MGAM: variants seen among roughly 807,000 people sequenced by gnomAD.
The protein encoded by MGAM is maltase-glucoamylase, also known as alpha-1,4-glucosidase.
Under a neutral mutation model 358.8 loss-of-function variants are expected in MGAM, and 253 were observed. That is an observed-to-expected ratio of 0.71 (90% CI 0.64 to 0.78). The LOEUF (loss-of-function observed/expected upper bound fraction) is 0.78, where lower values mean the gene tolerates loss of function less well. Among genes scored for constraint, MGAM ranks in the 30% least tolerant of loss-of-function variants. The pLI is 0.00. For missense variants in MGAM, 3,080 were observed against 3,432.6 expected (o/e 0.90, Z 2.57); for synonymous variants, 1,105 against 1,227.1 (o/e 0.90, Z 2.08).
intron 49 of MGAM, among the ~76,000 whole-genome samples, chr7:142,079,881 A>C (rs147931966): frequency 0.023 from 3,353 of 146,522 alleles, 233 homozygotes; most frequent in African/African-American, 0.077. Context: ...TTGTACCCTC[A>C]TCATAGCACT....
intron 21 of MGAM, among the ~76,000 whole-genome samples, 177 bp downstream of exon 21, chr7:142,041,023 G>C (rs1037103287): frequency 6.6e-6 from 1 of 152,066 alleles, no homozygotes; most frequent in Non-Finnish European, 1.5e-5. Context: ...GGGCAAACCA[G>C]GTCAGTTGAT....
intron 34 of MGAM, among the ~76,000 whole-genome samples, chr7:142,060,980 G>A (rs902499887): frequency 2.6e-5 from 4 of 151,936 alleles, no homozygotes; most frequent in African/African-American, 9.7e-5. Context: ...GCTTGTAATG[G>A]ATCCAAGTAG....
chr7:142,052,843 T>C lies in MGAM; in HGVS notation c.3018T>C (p.Ser1006=). 6.2e-7 allele frequency: 1 copy of C among 1,613,916 alleles called. No homozygotes were observed. The highest frequency in any genetic ancestry group is 8.5e-7 in the Non-Finnish European group (1 of 1,179,856). Residue 1006 remains serine (S), a synonymous_variant, in exon 26 of 71, where the codon AGT becomes AGC. Transcript: ENST00000475668. ...CYFVNDLYSV[S]DVQYNSHGAT... is the part of the protein sequence containing the mutation. Reference sequence around the variant, plus strand: ...TTGTCAACGACCTATACTCTGTCAGTGATGTTCAGTATAATTCCCATGGGG... The same window carrying C: ...TTGTCAACGACCTATACTCTGTCAGCGATGTTCAGTATAATTCCCATGGGG...
Position 142,066,836 on chromosome 7 carries a change from G to A in MGAM, c.4919+115G>A, listed in dbSNP as rs1812807310. ...AAGACATGATGGCCTTTTGACATGA[G>A]CTCTTCAGACACAAAGTATACCTGA... On this transcript the variant is annotated intron_variant, in intron 41 of 70. Transcript: ENST00000475668. 4.0e-6 allele frequency: 5 copies of A among 1,244,076 alleles called. 1 individual carries two copies. The highest frequency in any genetic ancestry group is 1.4e-5 in the African/African-American group (1 of 69,474). The allele number at this position is 1,244,076 out of a possible 1,614,324, so 77.1% of individuals were successfully genotyped here. A position where few individuals can be genotyped will look rare whatever the true frequency, so the allele number is the denominator to read the frequency against.
chr7:142,077,385 G>A (rs1813834223), intron 47 of MGAM, among the ~76,000 whole-genome samples: 1 of 145,252 alleles, frequency 6.9e-6, no homozygotes, highest in Admixed American at 7.0e-5. Context: ...AGTACAAGAT[G>A]GTTTAGATTT....
Position 142,052,457 on chromosome 7 carries a change from T to C in MGAM, c.2958+11T>C, listed in dbSNP as rs751287531. ...GGCTGTATCTGGGAGGTAACCATGCTGATGGGGTTTGTGTGCATGAGAATC... is the reference window on the plus strand; with the variant it reads ...GGCTGTATCTGGGAGGTAACCATGCCGATGGGGTTTGTGTGCATGAGAATC... On this transcript the variant is annotated intron_variant, in intron 25 of 70. Coordinates refer to ENST00000475668, the MANE Select transcript of MGAM (RefSeq NM_001365693.1). 6.2e-6 allele frequency: 10 copies of C among 1,612,732 alleles called. No individual in the cohort carries two copies. Among genetic ancestry groups the C allele is most frequent in the African/African-American group, 1.3e-5 (1 of 75,028 alleles).
At chr7:141,990,143 A>T (rs1803880756) in intron 2 of MGAM, among the ~76,000 whole-genome samples, 1 of 152,226 alleles carries the variant, frequency 6.6e-6, no homozygotes, top group Admixed American at 6.5e-5. Context: ...ATGCACACCT[A>T]TAAAACAGAG....
In MGAM at chr7:142,076,621, C is replaced by T. The variant is rs993122560; in HGVS notation, c.5326-38C>T. ...GACTTGAGAATCTGTGTATTACAGG[C>T]ATACCTTTATGCATAATTGGAGTTA... On this transcript the variant is annotated intron_variant, in intron 46 of 70. Coordinates refer to ENST00000475668, the MANE Select transcript of MGAM (RefSeq NM_001365693.1). 37 of 1,441,264 alleles carry T rather than the reference C, an allele frequency of 2.6e-5. 3 individuals carry two copies. In the Admixed American group the frequency reaches 4.3e-4, roughly 17 times the overall value. The allele number at this position is 1,441,264 out of a possible 1,614,324, so 89.3% of individuals were successfully genotyped here. A position where few individuals can be genotyped will look rare whatever the true frequency, so the allele number is the denominator to read the frequency against.
chr7:142,090,857 T>C (rs564643979), intron 57 of MGAM, among the ~76,000 whole-genome samples: 20 of 146,676 alleles, frequency 1.4e-4, no homozygotes, highest in African/African-American at 4.6e-4. Flanking sequence ...ATATATTTTG[T>C]GTCAAGTTCT....
chr7:142,029,233 G>A (rs782760244), intron 10 of MGAM, among the ~76,000 whole-genome samples: 1 of 152,026 alleles, frequency 6.6e-6, no homozygotes, highest in Non-Finnish European at 1.5e-5. Context: ...GGTGGCAGGT[G>A]CCTGTAATCC....
In MGAM at chr7:142,103,412, C is replaced by T. The variant is rs1816599035; in HGVS notation, c.8157C>T (p.Pro2719=). 2 of 1,607,594 alleles carry T rather than the reference C, an allele frequency of 1.2e-6. No individual in the cohort carries two copies. ...CTGTGAGTGGCATGGTCATAACACC[C>T]TCCTTCAACAATGACCCCACGACAC... ...SISVSGMVIT[P]SFNNDPTTQV... The change falls in exon 70 of 71, where the codon CCC becomes CCT. Residue 2719 remains proline, a synonymous_variant. Coordinates refer to ENST00000475668, the MANE Select transcript of MGAM (RefSeq NM_001365693.1).
chr7:142,003,005 T>C (rs1488800018), intron 1 of MGAM, among the ~76,000 whole-genome samples: 3 of 146,468 alleles, frequency 2.0e-5, no homozygotes, highest in African/African-American at 7.5e-5. Flanking sequence ...TACCTAGTAA[T>C]ACATTTGACC....
rs558180662 is a variant in MGAM, at chr7:142,081,729, G to A, written c.6003-313G>A. Among the ~76,000 whole-genome samples the A allele has an allele frequency of 7.6e-5, 11 of 145,620 alleles. 3 individuals carry two copies. The East Asian group carries it at 1.4e-3, about 19-fold the overall frequency. On this transcript the variant is annotated intron_variant, in intron 50 of 70. Coordinates refer to ENST00000475668, the MANE Select transcript of MGAM (RefSeq NM_001365693.1). ...GCTTTGAGTGCTACGTAGAAAATGC[G>A]CTGAGGGGTGCAAGGGTGGAAGGCA...
intron 2 of MGAM, among the ~76,000 whole-genome samples, chr7:142,006,494 C>G (rs1348072351): frequency 3.3e-5 from 5 of 152,034 alleles, no homozygotes; most frequent in African/African-American, 1.2e-4. Flanking sequence ...TTGAGTATCC[C>G]AAAAAACCGT....
At chr7:142,045,654 A>G (rs1810196595) in intron 21 of MGAM, among the ~76,000 whole-genome samples, 1 of 106,158 alleles carries the variant, frequency 9.4e-6, no homozygotes, top group Non-Finnish European at 1.7e-5. Context: ...TATATTATAT[A>G]CATACAATAT....
chr7:142,092,695 C>T, intron 59 of MGAM, 87 bp downstream of exon 59: 1 of 1,183,014 alleles, frequency 8.5e-7, no homozygotes, highest in Non-Finnish European at 1.2e-6. Context: ...GGTGGCCGCA[C>T]AGCTCAGGGC....
chr7:142,021,123 AC>A, intron 5 of MGAM, 40 bp downstream of exon 5: 1 of 1,437,274 alleles, frequency 7.0e-7, no homozygotes. Flanking sequence ...TTTTTGAGAG[AC>A]TTTTATTCCC....
intron 3 of MGAM, among the ~76,000 whole-genome samples, chr7:142,016,037 G>A (rs1466336902): frequency 6.6e-6 from 1 of 152,086 alleles, no homozygotes. Context: ...AATCCTTTGT[G>A]TGCTTTTTCT....
At position 142,089,326 on chromosome 7, in the gene MGAM, T is replaced by C. The variant is rs549161854; in HGVS notation, c.6811-2587T>C. Among the ~76,000 whole-genome samples the C allele has an allele frequency of 1.4e-4, 20 of 146,648 alleles. 1 individual carries two copies. Among genetic ancestry groups the C allele is most frequent in the African/African-American group, 4.8e-4 (20 of 41,292 alleles). On this transcript the variant is annotated intron_variant, in intron 57 of 70. Coordinates refer to ENST00000475668, the MANE Select transcript of MGAM (RefSeq NM_001365693.1). The stretch of plus-strand genomic sequence containing the variant: ...AGTGGGCAGTGGGCAGGGATGCCCA[T>C]AGCTCTGATTTCAGGGAATTCTCCA...
Sources: allele counts gnomAD v4.1 joint callset (sites outside exome capture counted in the v4.1 genomes callset), GRCh38; gene constraint gnomAD v4.1.1; transcripts MANE v1.5; gene names NCBI Gene and HGNC (gene_info 2026-07-23, HGNC 2026-07-21).